ADAMTS6: variants seen among roughly 807,000 people sequenced by gnomAD.
ADAMTS6 encodes the protein ADAM metallopeptidase with thrombospondin type 1 motif 6.
In ADAMTS6, 23 loss-of-function variants were observed where a neutral mutation model predicts 144.3. The ratio of observed to expected loss-of-function variants is 0.16; its 90% confidence interval spans 0.11 to 0.23. The LOEUF (loss-of-function observed/expected upper bound fraction) is 0.23. ADAMTS6 is among the 10% of genes least tolerant of loss of function. ADAMTS6 has a pLI of 1.00. For synonymous variants in ADAMTS6, 444 were observed against 457.5 expected, an observed-to-expected ratio of 0.97 and a Z score of 0.38; for missense variants, 999 against 1,379.6, an observed-to-expected ratio of 0.72 and a Z score of 4.37.
chr5:65,368,021 A>C (rs1750469239), intron 7 of ADAMTS6, among the ~76,000 whole-genome samples: 1 of 152,144 alleles, frequency 6.6e-6, no homozygotes, highest in South Asian at 2.1e-4. Flanking sequence ...TCAAAGGCTA[A>C]AAGTCTACTG....
At chr5:65,349,220 C>T (rs116720197) in intron 7 of ADAMTS6, among the ~76,000 whole-genome samples, 1 of 152,188 alleles carries the variant, frequency 6.6e-6, no homozygotes, top group African/African-American at 2.4e-5. Context: ...TAGCTTCAAG[C>T]AGCCAATAGT....
Position 65,172,872 on chromosome 5 carries a change from C to T in ADAMTS6, c.3047G>A (p.Arg1016His), listed in dbSNP as rs770751710. 27 of 1,614,100 alleles carry T rather than the reference C, an allele frequency of 1.7e-5. No individual in the cohort carries two copies. Among genetic ancestry groups the T allele is most frequent in the Middle Eastern group, 1.6e-4 (1 of 6,084 alleles). Residue 1016 changes from arginine to histidine, a missense_variant, in exon 23 of 25, where the codon CGC becomes CAC. Arg to His is a conservative substitution (Grantham distance 29). Transcript: ENST00000381055. The part of the protein sequence containing the change: ...PPVRIRCSLG[R>H]CPPPRWVTGD... ...TGTGACCCAGCGAGGAGGAGGGCAG[C>T]GGCCCAAACTGCAGCGGATGCGGAC... is the stretch of plus-strand genomic sequence containing the variant.
chr5:65,323,740 T>C lies in ADAMTS6; in HGVS notation c.1223+5638A>G, dbSNP rs528838110. On this transcript the variant is annotated intron_variant, in intron 9 of 24. Transcript: ENST00000381055. ...CTAGTTTACAGTCCCACCAACAGTG[T>C]AAAAGTGTTCCTATTTCTCCACATC... Among the ~76,000 whole-genome samples the C allele has an allele frequency of 3.9e-5, 6 of 152,314 alleles. No homozygotes were observed. In the South Asian group the frequency reaches 1.2e-3, roughly 32 times the overall value.
intron 15 of ADAMTS6, among the ~76,000 whole-genome samples, chr5:65,227,995 T>A (rs1308846605): frequency 1.3e-5 from 2 of 152,160 alleles, no homozygotes; most frequent in African/African-American, 4.8e-5. Flanking sequence ...ATAATGTGAT[T>A]TTTAGCGTTA....
rs371636404 is a variant in ADAMTS6, at chr5:65,470,694, T to A, written c.462+84A>T. ...TTAAACTACCTATATATATATATAT[T>A]TTTTTTTTAATCTGAGGAAAGACAT... is the stretch of plus-strand genomic sequence containing the variant. On this transcript the variant is annotated intron_variant, in intron 3 of 24. Coordinates refer to ENST00000381055, the MANE Select transcript of ADAMTS6 (RefSeq NM_197941.4). The A allele has an allele frequency of 0.025, 21,941 of 884,294 alleles. 1,029 individuals are homozygous for A. In the African/African-American group the frequency reaches 0.35, roughly 14 times the overall value. 54.8% of individuals were successfully genotyped at this position (884,294 alleles called of 1,614,324 possible).
chr5:65,279,627 T>A (rs1762834343), intron 11 of ADAMTS6, among the ~76,000 whole-genome samples: 1 of 152,212 alleles, frequency 6.6e-6, no homozygotes, highest in African/African-American at 2.4e-5. Flanking sequence ...TTCATTACTA[T>A]ATCTAAGTGT....
At chr5:65,263,042 A>AC in intron 12 of ADAMTS6, 80 bp from the exon 13 acceptor site, 7 of 1,542,430 alleles carry the variant, frequency 4.5e-6, no homozygotes, top group Middle Eastern at 1.7e-4. Context: ...AGGGTCAGGT[A>AC]CTGACCAACT....
At chr5:65,168,285 T>C (rs1480634184) in intron 24 of ADAMTS6, among the ~76,000 whole-genome samples, 1 of 151,790 alleles carries the variant, frequency 6.6e-6, no homozygotes, top group Non-Finnish European at 1.5e-5. Flanking sequence ...CCATTCACAA[T>C]TGCTTCAAAG....
At position 65,245,133 on chromosome 5, in the gene ADAMTS6, A is replaced by G. The variant is rs114357744; in HGVS notation, c.1831-2927T>C. On this transcript the variant is annotated intron_variant, in intron 14 of 24. Coordinates refer to ENST00000381055, the MANE Select transcript of ADAMTS6 (RefSeq NM_197941.4). ...AACTGTTTAGCTCTGTACCTGGCCTAAGGTAGCACTTAATAATTATTAGCA... is the reference window on the plus strand; with the variant it reads ...AACTGTTTAGCTCTGTACCTGGCCTGAGGTAGCACTTAATAATTATTAGCA... Among the ~76,000 whole-genome samples the G allele has an allele frequency of 7.9e-3, 1,205 of 152,282 alleles. 15 individuals are homozygous for G. The highest frequency in any genetic ancestry group is 0.027 in the African/African-American group (1,134 of 41,572).
chr5:65,477,055 G>A (rs982621250), intron 1 of ADAMTS6, among the ~76,000 whole-genome samples: 52 of 152,304 alleles, frequency 3.4e-4, no homozygotes, highest in Non-Finnish European at 2.6e-4. Context: ...AATTTATAGA[G>A]AGATTAAGTT....
intron 7 of ADAMTS6, among the ~76,000 whole-genome samples, chr5:65,383,105 C>T (rs1752180341): frequency 6.6e-6 from 1 of 152,184 alleles, no homozygotes; most frequent in Non-Finnish European, 1.5e-5. Context: ...ATCTTAATAT[C>T]ATCACCTTGA....
Position 65,470,770 on chromosome 5 carries a change from C to T in ADAMTS6, c.462+8G>A. 1 of 1,540,642 alleles carries T rather than the reference C, an allele frequency of 6.5e-7. No homozygotes were observed. Among genetic ancestry groups the T allele is most frequent in the South Asian group, 1.3e-5 (1 of 75,334 alleles). The stretch of plus-strand genomic sequence containing the variant: ...CATCAGAAGTTTAAAATTATAGCAT[C>T]TACTTACCAACCCAACACAGTTGCT... On this transcript the variant is annotated splice_region_variant and intron_variant, in intron 3 of 24. Transcript: ENST00000381055.
At chr5:65,178,450 A>G (rs771193769) in intron 22 of ADAMTS6, among the ~76,000 whole-genome samples, 1 of 152,214 alleles carries the variant, frequency 6.6e-6, no homozygotes, top group Non-Finnish European at 1.5e-5. Context: ...AACCAATAGC[A>G]ACAAGCTTTT....
At chr5:65,373,991 G>A (rs952133661) in intron 7 of ADAMTS6, among the ~76,000 whole-genome samples, 1 of 152,144 alleles carries the variant, frequency 6.6e-6, no homozygotes, top group Non-Finnish European at 1.5e-5. Flanking sequence ...CATATAAACA[G>A]AACCAAAGAG....
At chr5:65,225,282 C>A (rs925405681) in intron 16 of ADAMTS6, among the ~76,000 whole-genome samples, 6 of 152,142 alleles carry the variant, frequency 3.9e-5, no homozygotes, top group Admixed American at 1.3e-4. Flanking sequence ...GATACATAAA[C>A]ACACACAAAT....
In ADAMTS6 at chr5:65,245,875, A is replaced by G. The variant is rs549097197; in HGVS notation, c.1831-3669T>C. ...TACTTACAAAAAGAGTTAACCAATA[A>G]GATTTGGCCTGAGAGGTACAATTTG... On this transcript the variant is annotated intron_variant, in intron 14 of 24. Coordinates refer to ENST00000381055, the MANE Select transcript of ADAMTS6 (RefSeq NM_197941.4). 1.8e-4 allele frequency among the ~76,000 whole-genome samples: 28 copies of G among 152,280 alleles called. No individual in the cohort carries two copies. The South Asian group carries it at 5.4e-3, about 29-fold the overall frequency.
chr5:65,170,767 C>A lies in ADAMTS6; in HGVS notation c.3094G>T (p.Ala1032Ser). 7 of 1,611,270 alleles carry A rather than the reference C, an allele frequency of 4.3e-6. No individual in the cohort carries two copies. Among genetic ancestry groups the A allele is most frequent in the Non-Finnish European group, 5.9e-6 (7 of 1,178,714 alleles). ...WVTGDWGQCSAQCGLGQQMRT... is the reference protein window; with the variant it reads ...WVTGDWGQCSSQCGLGQQMRT... ...ATCTGCTGTCCAAGGCCACACTGAG[C>A]AGAACACTAAATCCAAAGACACAAA... Residue 1032 changes from alanine (A) to serine (S), a missense_variant, in exon 24 of 25, where the codon GCT becomes TCT. Ala to Ser is a moderately conservative substitution (Grantham distance 99). Transcript: ENST00000381055.
chr5:65,412,480 T>C (rs921180857), intron 7 of ADAMTS6, among the ~76,000 whole-genome samples: 3 of 152,002 alleles, frequency 2.0e-5, no homozygotes, highest in Non-Finnish European at 2.9e-5. Context: ...CATGATTTGA[T>C]ACCAAAACAA....
rs1427795322 is a variant in ADAMTS6 at position 65,242,139 on chromosome 5, C to T, written c.1898G>A (p.Arg633Gln). The T allele has an allele frequency of 4.4e-6, 7 of 1,603,096 alleles. No homozygotes were observed. The highest frequency in any genetic ancestry group is 2.2e-5 in the East Asian group (1 of 44,660). ...GGGTTTCCAGTTATAATACTTTCCT[C>T]GGAAAGGCATATTGTCAAAGTCTGC... Reference protein sequence around the residue: ...QCADFDNMPFRGKYYNWKPYT... With the variant: ...QCADFDNMPFQGKYYNWKPYT... The change falls in exon 15 of 25, where the codon CGA (arginine) becomes CAA (glutamine). Residue 633 changes from arginine (R) to glutamine (Q), a missense_variant. Arg to Gln is a conservative substitution (Grantham distance 43). Transcript: ENST00000381055.
Sources: allele counts gnomAD v4.1 joint callset (sites outside exome capture counted in the v4.1 genomes callset), GRCh38; gene constraint gnomAD v4.1.1; transcripts MANE v1.5; gene names NCBI Gene and HGNC (gene_info 2026-07-23, HGNC 2026-07-21).